The following SLC6A11 variants were observed in gnomAD, a reference collection of about 807,000 sequenced individuals.
SLC6A11 encodes the protein solute carrier family 6 member 11, also known as sodium- and chloride-dependent GABA transporter 3.
In SLC6A11, 25 loss-of-function variants were observed where a neutral mutation model predicts 74.8. The observed-to-expected ratio is 0.33, with a 90% CI of 0.24 to 0.47. The LOEUF is 0.47. Ranked by LOEUF, SLC6A11 falls within the 20% of genes least tolerant of loss-of-function variation. The pLI is 1.00. For missense variants in SLC6A11, 574 were observed against 837.0 expected, an observed-to-expected ratio of 0.69 and a Z score of 3.88; for synonymous variants, 330 against 330.2, an observed-to-expected ratio of 1.00 and a Z score of 0.01.
chr3:10,819,335 A>G (rs1191206422), intron 1 of SLC6A11, 130 bp from the exon 2 acceptor site: 3 of 914,750 alleles, frequency 3.3e-6, no homozygotes, highest in Non-Finnish European at 5.0e-6. Context: ...TCTGGTCTTC[A>G]TAATGGGAAC....
At chr3:10,885,934 A>C (rs1425480256) in intron 6 of SLC6A11, among the ~76,000 whole-genome samples, 1 of 152,082 alleles carries the variant, frequency 6.6e-6, no homozygotes, top group African/African-American at 2.4e-5. Flanking sequence ...CCCTCTGTGC[A>C]CAGCTCCCTT....
intron 5 of SLC6A11, among the ~76,000 whole-genome samples, chr3:10,869,871 AG>A (rs1694808464): frequency 6.6e-6 from 1 of 152,168 alleles, no homozygotes. Context: ...GGCGGTAAAA[AG>A]GGGGTGTAAC....
At chr3:10,880,887 A>G (rs1328270011) in intron 6 of SLC6A11, among the ~76,000 whole-genome samples, 1 of 152,182 alleles carries the variant, frequency 6.6e-6, no homozygotes, top group African/African-American at 2.4e-5. Context: ...AGCATGTAGA[A>G]TGAGTAAGAG....
intron 12 of SLC6A11, 33 bp from the exon 13 acceptor site, chr3:10,934,996 A>G (rs1288375020): frequency 3.1e-6 from 5 of 1,597,162 alleles, no homozygotes; most frequent in Middle Eastern, 3.3e-4. Flanking sequence ...CTGAGGGCCC[A>G]TCCCCCAGGC....
At chr3:10,923,260 A>AC (rs1258206302) in intron 8 of SLC6A11, among the ~76,000 whole-genome samples, 3 of 151,778 alleles carry the variant, frequency 2.0e-5, no homozygotes, top group Non-Finnish European at 4.4e-5. Context: ...TAAAAAAAAA[A>AC]AAAACACAGG....
At chr3:10,902,081 T>G (rs989076851) in intron 6 of SLC6A11, among the ~76,000 whole-genome samples, 14 of 133,774 alleles carry the variant, frequency 1.0e-4, no homozygotes, top group Admixed American at 2.9e-4. Flanking sequence ...TGTGTGTGTG[T>G]GGGTCTGTGT....
chr3:10,919,892 A>G (rs1355898114), intron 8 of SLC6A11, among the ~76,000 whole-genome samples: 1 of 152,196 alleles, frequency 6.6e-6, no homozygotes, highest in Non-Finnish European at 1.5e-5. Context: ...GGCTGGAAGC[A>G]AGAGAGCTGG....
At chr3:10,833,337 C>T (rs1694322543) in intron 4 of SLC6A11, among the ~76,000 whole-genome samples, 1 of 152,228 alleles carries the variant, frequency 6.6e-6, no homozygotes, top group Non-Finnish European at 1.5e-5. Flanking sequence ...GCTGGGATTA[C>T]AGGCATGAGC....
At chr3:10,873,419 C>CCTACA (rs1694854678) in intron 5 of SLC6A11, among the ~76,000 whole-genome samples, 6 of 146,968 alleles carry the variant, frequency 4.1e-5, no homozygotes, top group African/African-American at 1.5e-4. Context: ...CCTATCCTAT[C>CCTACA]CTATCCTATC....
chr3:10,843,095 G>T (rs1559557511), intron 4 of SLC6A11, among the ~76,000 whole-genome samples: 1 of 152,092 alleles, frequency 6.6e-6, no homozygotes, highest in Non-Finnish European at 1.5e-5. Flanking sequence ...GCTTGGAGAG[G>T]GGGTTTGTGT....
intron 9 of SLC6A11, among the ~76,000 whole-genome samples, chr3:10,928,980 G>A (rs1695646770): frequency 6.6e-6 from 1 of 152,176 alleles, no homozygotes; most frequent in Non-Finnish European, 1.5e-5. Context: ...TCCTGGGCAG[G>A]TCACTCCCCA....
chr3:10,858,774 A>G (rs369590349), intron 5 of SLC6A11, among the ~76,000 whole-genome samples: 27 of 152,322 alleles, frequency 1.8e-4, no homozygotes, highest in African/African-American at 6.0e-4. Flanking sequence ...TGTGCCTTCA[A>G]ATTAATTCAA....
chr3:10,839,685 G>C (rs963058914), intron 4 of SLC6A11, among the ~76,000 whole-genome samples: 1 of 152,194 alleles, frequency 6.6e-6, no homozygotes, highest in Non-Finnish European at 1.5e-5. Flanking sequence ...CTGTCTGCAC[G>C]TCTTTTCTGG....
chr3:10,871,865 G>T (rs1694831746), intron 5 of SLC6A11, among the ~76,000 whole-genome samples: 1 of 152,156 alleles, frequency 6.6e-6, no homozygotes, highest in South Asian at 2.1e-4. Context: ...GTGGTGCAGG[G>T]GCCATGAGTG....
At chr3:10,898,706 T>C (rs114349642) in intron 6 of SLC6A11, among the ~76,000 whole-genome samples, 10,124 of 152,308 alleles carry the variant, frequency 0.066, 369 homozygotes, top group East Asian at 0.085. Context: ...CTTTCCCACA[T>C]TGTTCTATCT....
At chr3:10,854,615 T>C (rs914561827) in intron 5 of SLC6A11, among the ~76,000 whole-genome samples, 12 of 152,000 alleles carry the variant, frequency 7.9e-5, no homozygotes, top group Non-Finnish European at 1.3e-4. Flanking sequence ...GTTATCCCCC[T>C]CCCGCCTTTT....
At chr3:10,911,972 T>C (rs1476917115) in intron 6 of SLC6A11, 118 bp from the exon 7 acceptor site, 2 of 726,508 alleles carry the variant, frequency 2.8e-6, no homozygotes, top group Non-Finnish European at 2.5e-6. Context: ...AGTTTAATTA[T>C]CCCTTATGGA....
chr3:10,874,542 T>A (rs1694884612), intron 5 of SLC6A11, among the ~76,000 whole-genome samples: 1 of 152,208 alleles, frequency 6.6e-6, no homozygotes, highest in Non-Finnish European at 1.5e-5. Context: ...TAACATGAGA[T>A]CTGCCCTCTT....
intron 5 of SLC6A11, among the ~76,000 whole-genome samples, chr3:10,864,576 A>G (rs529630546): frequency 2.0e-4 from 30 of 152,114 alleles, no homozygotes; most frequent in African/African-American, 6.5e-4. Context: ...TGTGTCTGTG[A>G]TGGTGCACTT....
Sources: gnomAD v4.1 joint callset for allele counts (sites outside exome capture counted in the v4.1 genomes callset) on GRCh38, gnomAD v4.1.1 for gene constraint, MANE v1.5 for transcripts, NCBI Gene and HGNC (gene_info 2026-07-23, HGNC 2026-07-21) for gene names.